PPHLN1: variants seen among roughly 807,000 people sequenced by gnomAD.
The protein encoded by PPHLN1 is periphilin-1.
A neutral mutation model predicts 51.3 loss-of-function variants in PPHLN1; 29 were observed. The ratio of observed to expected loss-of-function variants is 0.57; its 90% confidence interval spans 0.42 to 0.77. PPHLN1 has a LOEUF of 0.77. PPHLN1 is among the 30% of genes least tolerant of loss of function. The probability of loss-of-function intolerance (pLI) is 0.00; values close to 1 mark genes in which losing one functional copy is unlikely to be tolerated. For synonymous variants in PPHLN1, 147 were observed against 147.8 expected, an observed-to-expected ratio of 0.99 and a Z score of 0.04; for missense variants, 436 against 438.4, an observed-to-expected ratio of 0.99 and a Z score of 0.05.
chr12:42,363,370 G>T (rs1232352275), intron 4 of PPHLN1, among the ~76,000 whole-genome samples: 1 of 151,622 alleles, frequency 6.6e-6, no homozygotes, highest in African/African-American at 2.4e-5. Flanking sequence ...CCACTGGGTG[G>T]GTGTTACAGG....
At chr12:42,351,824 C>A in intron 2 of PPHLN1, 61 bp from the exon 3 acceptor site, 2 of 1,423,486 alleles carry the variant, frequency 1.4e-6, no homozygotes, top group Non-Finnish European at 1.9e-6. Flanking sequence ...TTTTTAAAAA[C>A]CTTTCCAAAA....
At chr12:42,365,668 G>A (rs1005476885) in intron 4 of PPHLN1, among the ~76,000 whole-genome samples, 3 of 152,190 alleles carry the variant, frequency 2.0e-5, no homozygotes, top group African/African-American at 7.2e-5. Flanking sequence ...CTTATGGGGT[G>A]TTAGTTCTTC....
intron 4 of PPHLN1, among the ~76,000 whole-genome samples, chr12:42,364,991 A>C (rs750861646): frequency 6.6e-6 from 1 of 152,188 alleles, no homozygotes; most frequent in Non-Finnish European, 1.5e-5. Flanking sequence ...CGTTTGTTCT[A>C]CTTTTTCTAG....
chr12:42,417,463 G>A (rs2080494381), intron 9 of PPHLN1, among the ~76,000 whole-genome samples: 1 of 152,106 alleles, frequency 6.6e-6, no homozygotes, highest in South Asian at 2.1e-4. Flanking sequence ...CCTGAATTGG[G>A]CGTGCAAAGG....
chr12:42,385,314 G>C (rs559118769), intron 6 of PPHLN1, among the ~76,000 whole-genome samples: 2 of 152,274 alleles, frequency 1.3e-5, no homozygotes, highest in Middle Eastern at 6.8e-3. Flanking sequence ...TTTGCCATTT[G>C]TATCATTGTT....
intron 7 of PPHLN1, among the ~76,000 whole-genome samples, chr12:42,391,482 G>A (rs2077708640): frequency 6.6e-6 from 1 of 152,060 alleles, no homozygotes; most frequent in East Asian, 1.9e-4. Context: ...GACCTCAGGT[G>A]ATCCGCCCGC....
At chr12:42,376,080 C>G (rs1441549240) in intron 5 of PPHLN1, among the ~76,000 whole-genome samples, 1 of 152,176 alleles carries the variant, frequency 6.6e-6, no homozygotes, top group Non-Finnish European at 1.5e-5. Context: ...AATTCACACT[C>G]TGAGGATGTA....
chr12:42,414,450 C>T (rs1439286800), intron 9 of PPHLN1, among the ~76,000 whole-genome samples: 1 of 152,202 alleles, frequency 6.6e-6, no homozygotes, highest in African/African-American at 2.4e-5. Context: ...TCTTTTTCAG[C>T]AGCTTCTTGT....
At chr12:42,432,613 CT>C (rs2082132801) in intron 9 of PPHLN1, among the ~76,000 whole-genome samples, 1 of 152,136 alleles carries the variant, frequency 6.6e-6, no homozygotes, top group African/African-American at 2.4e-5. Context: ...AACCTCTAGC[CT>C]TTTTTACAGC....
intron 2 of PPHLN1, chr12:42,343,657 AT>A (rs2071819108): frequency 5.4e-6 from 1 of 185,706 alleles, no homozygotes; most frequent in South Asian, 8.6e-5. Context: ...GCTGAGTTTG[AT>A]TTAGTAATGT....
intron 1 of PPHLN1, among the ~76,000 whole-genome samples, chr12:42,332,892 C>G (rs905507360): frequency 2.0e-5 from 3 of 152,046 alleles, no homozygotes; most frequent in African/African-American, 7.2e-5. Context: ...TTACATTCAT[C>G]ATTTTTATCA....
At chr12:42,402,188 G>C (rs950827221) in intron 9 of PPHLN1, among the ~76,000 whole-genome samples, 4 of 152,118 alleles carry the variant, frequency 2.6e-5, no homozygotes, top group African/African-American at 9.7e-5. Flanking sequence ...GGGACACTTG[G>C]GGAAAGGGAT....
intron 9 of PPHLN1, among the ~76,000 whole-genome samples, chr12:42,419,931 A>C (rs1388316164): frequency 6.6e-6 from 1 of 152,222 alleles, no homozygotes; most frequent in Non-Finnish European, 1.5e-5. Flanking sequence ...TCAGTATGTG[A>C]GGAGAATGAT....
intron 5 of PPHLN1, 57 bp downstream of exon 5, chr12:42,375,131 C>A: frequency 7.7e-7 from 1 of 1,298,132 alleles, no homozygotes; most frequent in Non-Finnish European, 1.1e-6. Context: ...TGAGAATGTA[C>A]TGAGTCAGAT....
chr12:42,348,336 G>A (rs111590413), intron 2 of PPHLN1, among the ~76,000 whole-genome samples: 22,863 of 143,700 alleles, frequency 0.16, 1,885 homozygotes, highest in Admixed American at 0.2. Context: ...TGGCCAGGCT[G>A]GTCTCAATCT....
chr12:42,446,194 G>A (rs2083313103), downstream of PPHLN1: 1 of 1,612,112 alleles, frequency 6.2e-7, no homozygotes, highest in African/African-American at 1.3e-5. Context: ...AGACAACTCA[G>A]GAGGCTGAGA....
intron 3 of PPHLN1, among the ~76,000 whole-genome samples, 156 bp downstream of exon 3, chr12:42,352,205 C>G (rs991652335): frequency 6.6e-6 from 1 of 152,012 alleles, no homozygotes; most frequent in African/African-American, 2.4e-5. Context: ...CAGATGGGAC[C>G]TAATAGTCAA....
intron 4 of PPHLN1, among the ~76,000 whole-genome samples, chr12:42,370,568 T>G (rs1449509423): frequency 6.6e-6 from 1 of 152,202 alleles, no homozygotes; most frequent in Non-Finnish European, 1.5e-5. Flanking sequence ...GCTCCTTCTT[T>G]ACCATTAACA....
chr12:42,370,065 T>C (rs949461259), intron 4 of PPHLN1, among the ~76,000 whole-genome samples: 4 of 152,256 alleles, frequency 2.6e-5, no homozygotes, highest in Non-Finnish European at 5.9e-5. Flanking sequence ...TCATGAACTC[T>C]GAATTTCTGC....
Sources: gnomAD v4.1 joint callset for allele counts (sites outside exome capture counted in the v4.1 genomes callset) on GRCh38, gnomAD v4.1.1 for gene constraint, MANE v1.5 for transcripts, NCBI Gene and HGNC (gene_info 2026-07-23, HGNC 2026-07-21) for gene names.